EMB: variants seen among roughly 807,000 people sequenced by gnomAD.
EMB encodes embigin homolog.
A neutral mutation model predicts 41.4 loss-of-function variants in EMB; 31 were observed. That is an observed-to-expected ratio of 0.75 (90% CI 0.56 to 1.01). The LOEUF (loss-of-function observed/expected upper bound fraction) is 1.01. EMB is among the 50% of genes least tolerant of loss of function. EMB has a pLI of 0.00. For missense variants in EMB, 379 were observed against 388.3 expected (o/e 0.98, Z 0.20); for synonymous variants, 137 against 140.4 (o/e 0.98, Z 0.17).
intron 1 of EMB, among the ~76,000 whole-genome samples, chr5:50,439,162 G>A (rs1243436456): frequency 1.3e-5 from 2 of 151,820 alleles, no homozygotes; most frequent in African/African-American, 2.4e-5. Flanking sequence ...GCTCTCTGGT[G>A]ATTCTGACAT....
intron 1 of EMB, among the ~76,000 whole-genome samples, chr5:50,431,108 T>C (rs1745713601): frequency 1.3e-5 from 2 of 152,224 alleles, no homozygotes; most frequent in Non-Finnish European, 2.9e-5. Context: ...CTTAACTTCA[T>C]ATTCCCTTTA....
At chr5:50,426,663 A>G (rs1426100259) in intron 2 of EMB, among the ~76,000 whole-genome samples, 1 of 152,202 alleles carries the variant, frequency 6.6e-6, no homozygotes, top group Non-Finnish European at 1.5e-5. Flanking sequence ...AATAAGTAAC[A>G]ACATAGAAAT....
Position 50,413,678 on chromosome 5 carries a change from C to A in EMB, c.197-2295G>T, listed in dbSNP as rs1174492885. ...GCAACCTCCGCCTCCCGGATTCAAGCGATTCTCCTGCCTCAGCCTCCCAAG... is the reference window on the plus strand; with the variant it reads ...GCAACCTCCGCCTCCCGGATTCAAGAGATTCTCCTGCCTCAGCCTCCCAAG... On this transcript the variant is annotated intron_variant, in intron 2 of 8. Transcript: ENST00000303221. 4.0e-5 allele frequency among the ~76,000 whole-genome samples: 6 copies of A among 151,472 alleles called. No homozygotes were observed. In the East Asian group the frequency reaches 1.2e-3, roughly 29 times the overall value.
At chr5:50,428,018 ATG>A (rs1372318506) in intron 2 of EMB, 124 bp downstream of exon 2, 2 of 630,532 alleles carry the variant, frequency 3.2e-6, no homozygotes, top group Non-Finnish European at 5.5e-6. Context: ...CACTACTGGT[ATG>A]TTTTCCCACC....
rs1323500776 is a variant in EMB, at chr5:50,441,265, C to G, written c.-114G>C. On this transcript the variant is annotated 5_prime_UTR_variant, in exon 1 of 9. Transcript: ENST00000303221. ...GTGGCCCGGCGCTCGCAGCCAGTGC[C>G]GCGGGTAGGACGCTGAAGAAAAGGC... 1.3e-4 allele frequency: 72 copies of G among 540,544 alleles called. No homozygotes were observed. Among genetic ancestry groups the G allele is most frequent in the Non-Finnish European group, 1.8e-4 (65 of 352,772 alleles). The allele number at this position is 540,544 out of a possible 1,614,324, so 33.5% of individuals were successfully genotyped here.
intron 4 of EMB, 33 bp from the exon 5 acceptor site, chr5:50,405,885 A>G: frequency 1.3e-6 from 2 of 1,558,320 alleles, no homozygotes; most frequent in East Asian, 4.6e-5. Flanking sequence ...TATGTTACTG[A>G]AAGAGTTTAG....
In EMB at chr5:50,399,189, A is replaced by T. The variant is rs573055621; in HGVS notation, c.*84T>A. The T allele has an allele frequency of 6.4e-7, 1 of 1,572,246 alleles. No individual in the cohort carries two copies. Among genetic ancestry groups the T allele is most frequent in the East Asian group, 2.3e-5 (1 of 43,970 alleles). ...TTCATCCTTTTAAAACTAAAAACTC[A>T]GAGGCTCTTAACAGGAAGGATAAAC... On this transcript the variant is annotated 3_prime_UTR_variant, in exon 9 of 9. Transcript: ENST00000303221.
intron 1 of EMB, among the ~76,000 whole-genome samples, chr5:50,439,625 G>A (rs1003526282): frequency 1.3e-5 from 2 of 151,864 alleles, no homozygotes; most frequent in African/African-American, 4.8e-5. Context: ...TTCTTTATAA[G>A]TGGTATTATG....
rs540811331 is a variant in EMB at position 50,430,999 on chromosome 5, G to C, written c.113-2772C>G. On this transcript the variant is annotated intron_variant, in intron 1 of 8. Transcript: ENST00000303221. ...AAGTTTCCAGAGGTAGGGAAGTCTG[G>C]GTATTTCCAGAATATACTAGCTGTT... 2.0e-5 allele frequency among the ~76,000 whole-genome samples: 3 copies of C among 152,190 alleles called. No individual in the cohort carries two copies. The South Asian group carries it at 6.2e-4, about 32-fold the overall frequency.
intron 3 of EMB, 39 bp from the exon 4 acceptor site, chr5:50,411,004 C>A: frequency 6.9e-7 from 1 of 1,442,334 alleles, no homozygotes; most frequent in South Asian, 1.3e-5. Context: ...GCTTAGTTCT[C>A]AAAACCTTAA....
chr5:50,424,365 A>G (rs768003410), intron 2 of EMB, among the ~76,000 whole-genome samples: 2 of 152,216 alleles, frequency 1.3e-5, no homozygotes, highest in African/African-American at 2.4e-5. Context: ...CAGTAAATAC[A>G]TATCAGAGAA....
At chr5:50,439,293 G>A (rs1002714400) in intron 1 of EMB, among the ~76,000 whole-genome samples, 1 of 152,038 alleles carries the variant, frequency 6.6e-6, no homozygotes, top group Non-Finnish European at 1.5e-5. Flanking sequence ...GGGGAAAAAT[G>A]TCCTGGACAA....
At chr5:50,431,443 G>C (rs976647810) in intron 1 of EMB, among the ~76,000 whole-genome samples, 9 of 152,120 alleles carry the variant, frequency 5.9e-5, no homozygotes, top group Non-Finnish European at 8.8e-5. Flanking sequence ...GATGTGGTTT[G>C]AATACTTCCC....
At chr5:50,434,182 G>A (rs1421056701) in intron 1 of EMB, among the ~76,000 whole-genome samples, 1 of 152,182 alleles carries the variant, frequency 6.6e-6, no homozygotes, top group Non-Finnish European at 1.5e-5. Flanking sequence ...CACCGCATAT[G>A]TAGAGGCCAG....
At chr5:50,402,348 G>A in intron 6 of EMB, 29 bp from the exon 7 acceptor site, 1 of 1,598,230 alleles carries the variant, frequency 6.3e-7, no homozygotes. Flanking sequence ...ATTTGACTGT[G>A]AAGTTGGTTT....
chr5:50,399,080 T>C lies in EMB; in HGVS notation c.*193A>G. On this transcript the variant is annotated 3_prime_UTR_variant, in exon 9 of 9. Coordinates refer to ENST00000303221, the MANE Select transcript of EMB (RefSeq NM_198449.3). The stretch of plus-strand genomic sequence containing the variant: ...TATTCTGATTTACATTGCTTTTATG[T>C]AACATAATTACAGAATGAAAATATA... 1.6e-6 allele frequency: 1 copy of C among 620,062 alleles called. No individual in the cohort carries two copies. 38.4% of individuals were successfully genotyped at this position (620,062 alleles called of 1,614,324 possible). A position where few individuals can be genotyped will look rare whatever the true frequency, so the allele number is the denominator to read the frequency against.
At chr5:50,400,029 C>A (rs1006452117) in intron 7 of EMB, 116 bp from the exon 8 acceptor site, 3 of 645,416 alleles carry the variant, frequency 4.6e-6, no homozygotes, top group South Asian at 4.9e-5. Flanking sequence ...GGACAGAATT[C>A]TTTCTTCCTA....
At chr5:50,433,622 T>A (rs187827189) in intron 1 of EMB, among the ~76,000 whole-genome samples, 1 of 152,212 alleles carries the variant, frequency 6.6e-6, no homozygotes, top group African/African-American at 2.4e-5. Context: ...GCAGGAGACA[T>A]TTGGCAATGT....
chr5:50,405,159 G>A (rs1434283962), intron 5 of EMB, among the ~76,000 whole-genome samples: 2 of 151,774 alleles, frequency 1.3e-5, no homozygotes, highest in African/African-American at 2.4e-5. Context: ...TTTGAATAGC[G>A]ATTTCTCTCA....
Sources: allele counts gnomAD v4.1 joint callset (sites outside exome capture counted in the v4.1 genomes callset), GRCh38; gene constraint gnomAD v4.1.1; transcripts MANE v1.5; gene names NCBI Gene and HGNC (gene_info 2026-07-23, HGNC 2026-07-21).